CD99L2: variants seen among roughly 807,000 people sequenced by gnomAD.
CD99L2 encodes CD99 antigen-like protein 2.
A neutral mutation model predicts 27.3 loss-of-function variants in CD99L2; 24 were observed. The ratio of observed to expected loss-of-function variants is 0.88; its 90% CI spans 0.64 to 1.24. The LOEUF (loss-of-function observed/expected upper bound fraction) is 1.24, where lower values mean the gene tolerates loss of function less well. Among genes scored for constraint, CD99L2 ranks in the 50% most tolerant of loss-of-function variants. The pLI is 0.00. For synonymous variants in CD99L2, 97 were observed against 87.9 expected, an observed-to-expected ratio of 1.10 and a Z score of -0.58; for missense variants, 255 against 221.6, an observed-to-expected ratio of 1.15 and a Z score of -0.96.
chrX:150,788,496 G>A (rs782232466), intron 7 of CD99L2, among the ~76,000 whole-genome samples: 1 of 111,410 alleles, frequency 9.0e-6, no homozygotes, highest in African/African-American at 3.3e-5. Flanking sequence ...AAGGGAGGGT[G>A]AAGATGGCCT....
chrX:150,824,589 G>A (rs868932731), intron 2 of CD99L2, among the ~76,000 whole-genome samples: 1 of 99,522 alleles, frequency 1.0e-5, no homozygotes, highest in Admixed American at 1.1e-4. Flanking sequence ...GGAGAAGGAG[G>A]AGAAGAAGAA....
rs781858874 is a variant in CD99L2, at chrX:150,776,166, G to A, written c.655+8C>T. On this transcript the variant is annotated splice_region_variant and intron_variant, in intron 9 of 10. Transcript: ENST00000370377. ...GGTTCCTAGCCACGAGTGGGTGGCT[G>A]CACTTACGCTGAATGCTGAAGCAGA... 2 of 1,209,735 alleles carry A rather than the reference G, an allele frequency of 1.7e-6. No individual in the cohort carries two copies. The highest frequency in any genetic ancestry group is 2.2e-6 in the Non-Finnish European group (2 of 894,491).
At chrX:150,786,175 T>C (rs1229411926) in intron 7 of CD99L2, among the ~76,000 whole-genome samples, 3 of 111,309 alleles carry the variant, frequency 2.7e-5, no homozygotes, top group East Asian at 5.6e-4. Flanking sequence ...TGGTATCTCA[T>C]GGTGGTTTGA....
In CD99L2 at chrX:150,769,584, TGAG is replaced by T. The variant is rs2043377703; in HGVS notation, c.722-486_722-484del. On this transcript the variant is annotated intron_variant, in intron 10 of 10. Transcript: ENST00000370377. ...GGCTCCCAGTACACACCACACAGGC[TGAG>T]CCCCTCCTGGTCTCCCAGGCCCAGT... 3.6e-5 allele frequency among the ~76,000 whole-genome samples: 4 copies of T among 112,447 alleles called. No homozygotes were observed. The South Asian group carries it at 1.5e-3, about 41-fold the overall frequency.
intron 1 of CD99L2, among the ~76,000 whole-genome samples, chrX:150,863,245 CT>C (rs1423360201): frequency 2.7e-5 from 3 of 112,165 alleles, no homozygotes; most frequent in Admixed American, 9.5e-5. Flanking sequence ...CCACCAGAGC[CT>C]TTTATTTACC....
At position 150,786,327 on chromosome X, in the gene CD99L2, T is replaced by TA. The variant is rs2045594335; in HGVS notation, c.496+7363dup. On this transcript the variant is annotated intron_variant, in intron 7 of 10. Transcript: ENST00000370377. ...ACAGATTATTTCATCGCCTAGGTAT[T>TA]AAGCCTAGTATTCATTAGTTATTTT... Among the ~76,000 whole-genome samples the TA allele has an allele frequency of 2.7e-5, 3 of 110,915 alleles. No homozygotes were observed. In the Admixed American group the frequency reaches 2.9e-4, roughly 11 times the overall value.
At chrX:150,799,480 C>T (rs183522331) in intron 4 of CD99L2, among the ~76,000 whole-genome samples, 6 of 106,958 alleles carry the variant, frequency 5.6e-5, no homozygotes, top group Admixed American at 4.0e-4. Context: ...TACCACTGCA[C>T]TCCAGACTGG....
At chrX:150,879,750 TAAAAA>T (rs60706288) in intron 1 of CD99L2, among the ~76,000 whole-genome samples, 1 of 19,388 alleles carries the variant, frequency 5.2e-5, no homozygotes, top group Non-Finnish European at 8.6e-5. Flanking sequence ...CTACAAAAAC[TAAAAA>T]AAAAAAAAAA....
chrX:150,848,565 A>AC (rs2046739828), intron 1 of CD99L2, among the ~76,000 whole-genome samples: 1 of 110,820 alleles, frequency 9.0e-6, no homozygotes, highest in South Asian at 3.7e-4. Flanking sequence ...TTAAAAAAAA[A>AC]AAAAAAAACA....
intron 1 of CD99L2, among the ~76,000 whole-genome samples, chrX:150,887,106 C>T (rs1295827173): frequency 3.8e-5 from 4 of 105,863 alleles, no homozygotes; most frequent in Non-Finnish European, 5.8e-5. Context: ...ATGGTGCCAC[C>T]GCACTCTAAC....
intron 7 of CD99L2, among the ~76,000 whole-genome samples, chrX:150,778,499 T>G (rs2124043212): frequency 3.3e-5 from 3 of 89,893 alleles, no homozygotes; most frequent in East Asian, 3.9e-4. Context: ...GCTGTGCACA[T>G]GTGGGGGTGG....
At chrX:150,814,803 G>A in intron 4 of CD99L2, 59 bp downstream of exon 4, 4 of 1,044,483 alleles carry the variant, frequency 3.8e-6, no homozygotes, top group Non-Finnish European at 5.4e-6. Context: ...TCTGTGGGAT[G>A]TTGATGTTGT....
chrX:150,863,940 C>A (rs1271845815), intron 1 of CD99L2, among the ~76,000 whole-genome samples: 1 of 111,752 alleles, frequency 8.9e-6, no homozygotes, highest in Non-Finnish European at 1.9e-5. Context: ...CAGGGAGAGA[C>A]AAGATTCTTC....
At chrX:150,824,656 A>AGAAGAAGAAGAAGAGGAAGAG (rs2046338790) in intron 2 of CD99L2, among the ~76,000 whole-genome samples, 1 of 93,161 alleles carries the variant, frequency 1.1e-5, no homozygotes, top group African/African-American at 4.1e-5. Context: ...AAGAAGAAGA[A>AGAAGAAGAAGAAGAGGAAGAG]GAAGAAGAAG....
chrX:150,852,086 T>C (rs1281170252), intron 1 of CD99L2, among the ~76,000 whole-genome samples: 2 of 112,034 alleles, frequency 1.8e-5, no homozygotes, highest in Non-Finnish European at 3.8e-5. Flanking sequence ...AGAACTCTTC[T>C]CCACATCATT....
intron 9 of CD99L2, among the ~76,000 whole-genome samples, chrX:150,770,938 C>T (rs1174682729): frequency 8.9e-6 from 1 of 112,826 alleles, no homozygotes; most frequent in Non-Finnish European, 1.9e-5. Context: ...GGGGCCAGCC[C>T]ACCAGCAGCT....
chrX:150,802,528 T>G (rs2045924196), intron 4 of CD99L2, among the ~76,000 whole-genome samples: 1 of 101,410 alleles, frequency 9.9e-6, no homozygotes, highest in Non-Finnish European at 2.0e-5. Flanking sequence ...ATCACACCAC[T>G]GCACTCCAGT....
In CD99L2 at chrX:150,814,878, C is replaced by T. The variant is rs577351043; in HGVS notation, c.261G>A (p.Pro87=). The T allele has an allele frequency of 2.5e-5, 30 of 1,208,177 alleles. No individual in the cohort carries two copies. The highest frequency in any genetic ancestry group is 1.2e-4 in the East Asian group (4 of 33,729). ...AAGACTTACCTCTTCCTCCTATACC[C>T]GGTTTCCTGCGGCCATCATCTTGAT... The part of the protein sequence containing the change: ...LDDQDDGRRK[P]GIGGRERWNH... The change falls in exon 4 of 11, where the codon CCG becomes CCA. Residue 87 remains proline (P), a synonymous_variant. Coordinates refer to ENST00000370377, the MANE Select transcript of CD99L2 (RefSeq NM_031462.4).
At chrX:150,774,543 G>A (rs902809125) in intron 9 of CD99L2, among the ~76,000 whole-genome samples, 6 of 111,978 alleles carry the variant, frequency 5.4e-5, no homozygotes, top group African/African-American at 1.6e-4. Flanking sequence ...GAGAGCCCAC[G>A]GAGGACAGCC....
Sources: gnomAD v4.1 joint callset for allele counts (sites outside exome capture counted in the v4.1 genomes callset) on GRCh38, gnomAD v4.1.1 for gene constraint, MANE v1.5 for transcripts, NCBI Gene and HGNC (gene_info 2026-07-23, HGNC 2026-07-21) for gene names.